FBXL20: variants seen among roughly 807,000 people sequenced by gnomAD.
The protein encoded by FBXL20 is F-box and leucine rich repeat protein 20, also known as F-box/LRR-repeat protein 20.
FBXL20 carries 11 observed loss-of-function variants against 64.0 expected under a neutral mutation model. The ratio of observed to expected loss-of-function variants is 0.17; its 90% CI spans 0.11 to 0.28. The LOEUF is 0.28. Among genes scored for constraint, FBXL20 ranks in the 10% least tolerant of loss-of-function variants. The probability of loss-of-function intolerance (pLI) is 1.00; values close to 1 mark genes in which losing one functional copy is unlikely to be tolerated. For missense variants in FBXL20, 303 were observed against 526.2 expected, an observed-to-expected ratio of 0.58 and a Z score of 4.15; for synonymous variants, 184 against 189.0, an observed-to-expected ratio of 0.97 and a Z score of 0.22.
rs142959011 is a variant in FBXL20, at chr17:39,392,030, G to A, written c.42+9331C>T. On this transcript the variant is annotated intron_variant, in intron 1 of 14. Coordinates refer to ENST00000264658, the MANE Select transcript of FBXL20 (RefSeq NM_032875.3). ...TGGTGGTGCAGTAATCCCAGCTATC[G>A]GGAGGCTGAGGCAGGAGAATCGCAT... 2.8e-3 allele frequency among the ~76,000 whole-genome samples: 423 copies of A among 152,128 alleles called. 1 individual carries two copies. Among genetic ancestry groups the A allele is most frequent in the African/African-American group, 9.4e-3 (389 of 41,476 alleles).
intron 11 of FBXL20, among the ~76,000 whole-genome samples, chr17:39,269,838 C>T (rs34968503): frequency 0.052 from 7,901 of 152,086 alleles, 676 homozygotes; most frequent in African/African-American, 0.18. Flanking sequence ...CCATGTTGCC[C>T]GGGCTGGGCT....
At chr17:39,374,349 T>C (rs1262146344) in intron 1 of FBXL20, among the ~76,000 whole-genome samples, 1 of 151,118 alleles carries the variant, frequency 6.6e-6, no homozygotes, top group Non-Finnish European at 1.5e-5. Flanking sequence ...GCCAACATAG[T>C]GAAACCCCGT....
At chr17:39,308,553 A>T (rs575460206) in intron 2 of FBXL20, among the ~76,000 whole-genome samples, 5 of 147,158 alleles carry the variant, frequency 3.4e-5, no homozygotes, top group South Asian at 4.2e-4. Flanking sequence ...AATCAAAAAA[A>T]TTTTTAATAC....
intron 6 of FBXL20, among the ~76,000 whole-genome samples, chr17:39,296,726 T>C (rs1272332265): frequency 1.3e-5 from 2 of 152,188 alleles, no homozygotes; most frequent in Non-Finnish European, 2.9e-5. Flanking sequence ...TGAATCATTT[T>C]CATTTAATAA....
At position 39,261,805 on chromosome 17, in the gene FBXL20, G is replaced by A. The variant is rs1033145950; in HGVS notation, c.1204-238C>T. 3.3e-5 allele frequency among the ~76,000 whole-genome samples: 5 copies of A among 152,006 alleles called. 1 individual carries two copies. The highest frequency in any genetic ancestry group is 7.4e-5 in the Non-Finnish European group (5 of 67,998). On this transcript the variant is annotated intron_variant, in intron 14 of 14. Coordinates refer to ENST00000264658, the MANE Select transcript of FBXL20 (RefSeq NM_032875.3). ...TTGTGTAATAATAAAACTGAGGGCC[G>A]GGCGCGGTGGCTCACGCCTGTAATC...
At chr17:39,323,588 T>G (rs901431584) in intron 2 of FBXL20, among the ~76,000 whole-genome samples, 1 of 152,058 alleles carries the variant, frequency 6.6e-6, no homozygotes. Context: ...TTTACTCAAT[T>G]GCAATTGTAC....
At chr17:39,293,830 A>ATT (rs11376729) in intron 6 of FBXL20, among the ~76,000 whole-genome samples, 38 of 146,674 alleles carry the variant, frequency 2.6e-4, no homozygotes, top group African/African-American at 4.5e-4. Flanking sequence ...TGTAGCCTTT[A>ATT]TTTTTTTTTT....
At chr17:39,306,873 T>TA (rs2047188123) in intron 2 of FBXL20, among the ~76,000 whole-genome samples, 1 of 152,198 alleles carries the variant, frequency 6.6e-6, no homozygotes, top group African/African-American at 2.4e-5. Context: ...CTGGGAGGGT[T>TA]AAGCAAGGAG....
intron 1 of FBXL20, among the ~76,000 whole-genome samples, chr17:39,349,651 T>G (rs1460497559): frequency 6.6e-6 from 1 of 151,764 alleles, no homozygotes; most frequent in Non-Finnish European, 1.5e-5. Flanking sequence ...CAAGATGCAG[T>G]CAAGGCCAGG....
intron 1 of FBXL20, among the ~76,000 whole-genome samples, chr17:39,367,319 CTTTTT>C (rs572558102): frequency 7.2e-6 from 1 of 138,814 alleles, no homozygotes; most frequent in Non-Finnish European, 1.6e-5. Flanking sequence ...TTTTTCTTTT[CTTTTT>C]TTTTTTTTTG....
intron 6 of FBXL20, among the ~76,000 whole-genome samples, chr17:39,286,904 TATTTC>T (rs1162587706): frequency 6.8e-6 from 1 of 147,654 alleles, no homozygotes; most frequent in Non-Finnish European, 1.5e-5. Flanking sequence ...TTTCAGTATC[TATTTC>T]TTTTTTTTTT....
chr17:39,402,190 A>C (rs2048254796), upstream of FBXL20: 2 of 1,232,338 alleles, frequency 1.6e-6, no homozygotes, highest in South Asian at 8.2e-5. Context: ...TTGAACCCAA[A>C]GTGCAGCAGG....
chr17:39,334,762 GTCATTTTT>G (rs1019161293), intron 2 of FBXL20, among the ~76,000 whole-genome samples: 78 of 152,180 alleles, frequency 5.1e-4, no homozygotes, highest in Middle Eastern at 3.4e-3. Flanking sequence ...ATCACTTAAT[GTCATTTTT>G]ACAGTTATCA....
chr17:39,317,835 G>A (rs1010257086), intron 2 of FBXL20, among the ~76,000 whole-genome samples: 2 of 151,388 alleles, frequency 1.3e-5, no homozygotes, highest in Non-Finnish European at 2.9e-5. Flanking sequence ...CCCAGCAGCT[G>A]GGACTACAGG....
chr17:39,290,318 T>C (rs590051), intron 6 of FBXL20, among the ~76,000 whole-genome samples: 34,164 of 151,840 alleles, frequency 0.23, 4,551 homozygotes, highest in African/African-American at 0.37. Flanking sequence ...CTTTGACAGA[T>C]TCCATGGACT....
chr17:39,285,955 C>G (rs1209576763), intron 6 of FBXL20, among the ~76,000 whole-genome samples: 1 of 152,134 alleles, frequency 6.6e-6, no homozygotes, highest in East Asian at 1.9e-4. Flanking sequence ...AGAAGAAACG[C>G]TCTGCATGTT....
rs1465701497 is a variant in FBXL20, at chr17:39,254,897, C to T, written c.*6563G>A. ...CAATAAACCACCCTGGCTGAGGAAG[C>T]ACTGAGACTCAACCTCTATAAACTG... On this transcript the variant is annotated 3_prime_UTR_variant, in exon 15 of 15. Transcript: ENST00000264658. 1 of 152,644 alleles carries T rather than the reference C, an allele frequency of 6.6e-6. No individual in the cohort carries two copies. The highest frequency in any genetic ancestry group is 1.5e-5 in the Non-Finnish European group (1 of 68,210). The allele number at this position is 152,644 out of a possible 1,614,324, so 9.5% of individuals were successfully genotyped here. A position where few individuals can be genotyped will look rare whatever the true frequency, so the allele number is the denominator to read the frequency against.
chr17:39,329,689 G>A (rs907936972), intron 2 of FBXL20, among the ~76,000 whole-genome samples: 2 of 151,830 alleles, frequency 1.3e-5, no homozygotes, highest in African/African-American at 2.4e-5. Flanking sequence ...ATCTCTAATG[G>A]TTCAGAAAAA....
chr17:39,359,886 T>C (rs2047777762), intron 1 of FBXL20, among the ~76,000 whole-genome samples: 1 of 152,130 alleles, frequency 6.6e-6, no homozygotes, highest in Admixed American at 6.5e-5. Context: ...GTCCAACAGA[T>C]GAATGAATAA....
Sources: allele counts gnomAD v4.1 joint callset (sites outside exome capture counted in the v4.1 genomes callset), GRCh38; gene constraint gnomAD v4.1.1; transcripts MANE v1.5; gene names NCBI Gene and HGNC (gene_info 2026-07-23, HGNC 2026-07-21).